The following SMARCA4 variants were observed in gnomAD, a reference collection of about 807,000 sequenced individuals.
SMARCA4 encodes SWI/SNF related BAF chromatin remodeling complex subunit ATPase 4.
A neutral mutation model predicts 193.9 loss-of-function variants in SMARCA4; 31 were observed. The ratio of observed to expected loss-of-function variants is 0.16; its 90% confidence interval spans 0.12 to 0.22. The LOEUF (loss-of-function observed/expected upper bound fraction) is 0.22. Ranked by LOEUF, SMARCA4 falls within the 10% of genes least tolerant of loss-of-function variation. The probability of loss-of-function intolerance (pLI) is 1.00; values close to 1 mark genes in which losing one functional copy is unlikely to be tolerated. For missense variants in SMARCA4, 1,148 were observed against 2,296.0 expected, an observed-to-expected ratio of 0.50 and a Z score of 10.22; for synonymous variants, 942 against 933.1, an observed-to-expected ratio of 1.01 and a Z score of -0.17.
chr19:11,013,138 C>T (rs368342404), intron 16 of SMARCA4, 26 bp downstream of exon 16: 22 of 1,612,340 alleles, frequency 1.4e-5, no homozygotes, highest in Non-Finnish European at 1.8e-5. Flanking sequence ...CAGCAACATC[C>T]CACACGCCGC....
chr19:11,021,652 G>T, intron 18 of SMARCA4, 73 bp from the exon 19 acceptor site: 1 of 1,538,866 alleles, frequency 6.5e-7, no homozygotes. Flanking sequence ...GCTGGGCGCA[G>T]AGTGGGAGAT....
At chr19:11,024,068 G>C (rs889039440) in intron 20 of SMARCA4, among the ~76,000 whole-genome samples, 1 of 152,172 alleles carries the variant, frequency 6.6e-6, no homozygotes, top group Non-Finnish European at 1.5e-5. Flanking sequence ...TTTGTTTCCT[G>C]GCTGGCTGTA....
chr19:10,990,822 G>A (rs1271137807), intron 7 of SMARCA4, among the ~76,000 whole-genome samples: 1 of 152,244 alleles, frequency 6.6e-6, no homozygotes, highest in East Asian at 1.9e-4. Flanking sequence ...GCCTCCCAAA[G>A]TGTTGGGATT....
intron 16 of SMARCA4, among the ~76,000 whole-genome samples, chr19:11,014,143 A>T (rs2089134782): frequency 1.3e-5 from 2 of 152,040 alleles, no homozygotes; most frequent in South Asian, 4.1e-4. Flanking sequence ...CCTAACTCCA[A>T]CCAGGCACTC....
Position 11,041,563 on chromosome 19 carries a change from A to G in SMARCA4, c.4424+3A>G, listed in dbSNP as rs2146823881. On this transcript the variant is annotated splice_donor_region_variant and intron_variant, in intron 30 of 34. Transcript: ENST00000344626. The surrounding 1 kb of genome is among the most constrained non-coding windows in gnomAD (Gnocchi z 5.6). ...GCCGTGATCAAGTACAAGGACAGGT[A>G]AGCGAGGAGGCGGGGAGGGCGGGGG... is the stretch of plus-strand genomic sequence containing the variant. The G allele has an allele frequency of 6.2e-7, 1 of 1,612,210 alleles. No homozygotes were observed. The highest frequency in any genetic ancestry group is 8.5e-7 in the Non-Finnish European group (1 of 1,179,468).
Position 10,991,116 on chromosome 19 carries a change from G to A in SMARCA4, c.1246-34G>A, listed in dbSNP as rs1004405808. 3.7e-6 allele frequency: 6 copies of A among 1,611,704 alleles called. No individual in the cohort carries two copies. In the African/African-American group the frequency reaches 8.0e-5, roughly 22 times the overall value. On this transcript the variant is annotated intron_variant, in intron 7 of 34. Transcript: ENST00000344626. The stretch of plus-strand genomic sequence containing the variant: ...GTCATTGTGGATGCCACAGAGCTGT[G>A]CAGTGCGCGGGCTTGTCCTCTTCCC...
chr19:10,985,539 C>A lies in SMARCA4; in HGVS notation c.355+134C>A. 1 of 1,094,750 alleles carries A rather than the reference C, an allele frequency of 9.1e-7. No homozygotes were observed. The highest frequency in any genetic ancestry group is 1.3e-6 in the Non-Finnish European group (1 of 745,160). 67.8% of individuals were successfully genotyped at this position (1,094,750 alleles called of 1,614,324 possible). A position where few individuals can be genotyped will look rare whatever the true frequency, so the allele number is the denominator to read the frequency against. On this transcript the variant is annotated intron_variant, in intron 3 of 34. Coordinates refer to ENST00000344626, the MANE Select transcript of SMARCA4 (RefSeq NM_003072.5). The surrounding 1 kb of genome is among the most constrained non-coding windows in gnomAD (Gnocchi z 4.5). ...ATGTAGCCGGGTGGGTGGCCCGCCA[C>A]AGAGAGCTGTCTGGCATGGCGTGGC... is the stretch of plus-strand genomic sequence containing the variant.
chr19:10,982,925 A>G (rs1389177746), intron 1 of SMARCA4, among the ~76,000 whole-genome samples: 1 of 152,242 alleles, frequency 6.6e-6, no homozygotes, highest in African/African-American at 2.4e-5. Flanking sequence ...TCCAAAAGGC[A>G]GCAGAAACAA....
chr19:10,978,918 CAG>C, intron 1 of SMARCA4, among the ~76,000 whole-genome samples: 1 of 152,092 alleles, frequency 6.6e-6, no homozygotes, highest in Admixed American at 6.6e-5. Context: ...CACTGCACTC[CAG>C]CTTGGGTGAT....
chr19:10,994,848 C>G lies in SMARCA4; in HGVS notation c.1440C>G (p.Leu480=), dbSNP rs1555761995. The G allele has an allele frequency of 1.9e-6, 3 of 1,614,100 alleles. No individual in the cohort carries two copies. Among genetic ancestry groups the G allele is most frequent in the Non-Finnish European group, 2.5e-6 (3 of 1,179,978 alleles). Reference sequence around the variant, plus strand: ...TGCAGGAATACCTCAATAGCATTCTCCAGCATGCCAAGGATTTCAAGGAAT... The same window carrying G: ...TGCAGGAATACCTCAATAGCATTCTGCAGCATGCCAAGGATTTCAAGGAAT... ...QKHQEYLNSI[L]QHAKDFKEYH... Residue 480 remains leucine (L), a synonymous_variant, in exon 9 of 35, where the codon CTC becomes CTG. Coordinates refer to ENST00000344626, the MANE Select transcript of SMARCA4 (RefSeq NM_003072.5).
chr19:11,042,962 C>T (rs1298513655), intron 30 of SMARCA4, among the ~76,000 whole-genome samples: 1 of 151,764 alleles, frequency 6.6e-6, no homozygotes, highest in Admixed American at 6.6e-5. Context: ...GGTGACAGAG[C>T]AAGACGCCCA....
intron 1 of SMARCA4, among the ~76,000 whole-genome samples, chr19:10,982,718 A>C (rs777952204): frequency 4.0e-5 from 6 of 151,892 alleles, no homozygotes; most frequent in Non-Finnish European, 7.4e-5. Context: ...GTTACCCAGG[A>C]TGGTCTCGAT....
chr19:11,010,013 A>T (rs1398081394), intron 14 of SMARCA4, among the ~76,000 whole-genome samples: 1 of 151,748 alleles, frequency 6.6e-6, no homozygotes, highest in African/African-American at 2.4e-5. Context: ...TGTAGTAGAG[A>T]TGGGGTTTCA....
rs555382090 is a variant in SMARCA4 at position 10,986,820 on chromosome 19, C to G, written c.761-85C>G. On this transcript the variant is annotated intron_variant, in intron 4 of 34. Transcript: ENST00000344626. This position sits in a 1 kb window ranked among gnomAD's most constrained non-coding sequence, Gnocchi z 6.7. The stretch of plus-strand genomic sequence containing the variant: ...GTTAATAGGTGTATCTGCTGTGTCC[C>G]CTGGAGCCAGGGCTGCCCACGGGGC... The G allele has an allele frequency of 2.9e-5, 39 of 1,328,614 alleles. No homozygotes were observed. The highest frequency in any genetic ancestry group is 3.6e-5 in the Non-Finnish European group (33 of 926,006). The allele number at this position is 1,328,614 out of a possible 1,614,324, so 82.3% of individuals were successfully genotyped here.
At chr19:11,006,531 A>T (rs987577187) in intron 13 of SMARCA4, among the ~76,000 whole-genome samples, 1 of 152,070 alleles carries the variant, frequency 6.6e-6, no homozygotes. Flanking sequence ...TGGGTGGATG[A>T]TCCAAGGTCA....
At chr19:11,018,496 C>T (rs999874218) in intron 16 of SMARCA4, among the ~76,000 whole-genome samples, 1 of 152,098 alleles carries the variant, frequency 6.6e-6, no homozygotes, top group Admixed American at 6.5e-5. Flanking sequence ...TGTCCTCGTT[C>T]TCTCTCACAG....
rs373208383 is a variant in SMARCA4 at position 10,981,728 on chromosome 19, C to T, written c.-31-2393C>T. Among the ~76,000 whole-genome samples the T allele has an allele frequency of 2.0e-4, 31 of 152,302 alleles. 1 individual carries two copies. Among genetic ancestry groups the T allele is most frequent in the African/African-American group, 6.7e-4 (28 of 41,568 alleles). ...CAGTGTCTCACACCTGTAATTCCAG[C>T]ACTTTGGGAAGTCCAGGCTGGAGGA... On this transcript the variant is annotated intron_variant, in intron 1 of 34. Transcript: ENST00000344626.
At chr19:11,021,332 A>C in intron 18 of SMARCA4, 1 of 361,886 alleles carries the variant, frequency 2.8e-6, no homozygotes, top group Non-Finnish European at 5.4e-6. Context: ...TCACCAACCC[A>C]GTTCCCCTGA....
At chr19:11,032,978 G>A (rs967975551) in intron 25 of SMARCA4, 29 of 450,590 alleles carry the variant, frequency 6.4e-5, no homozygotes, top group Middle Eastern at 6.6e-4. Context: ...GAGCTGTGCC[G>A]CTGCCACGGG....
Sources: gnomAD v4.1 joint callset for allele counts (sites outside exome capture counted in the v4.1 genomes callset) on GRCh38, gnomAD v4.1.1 for gene constraint, Gnocchi (gnomAD v3.1) non-coding constraint, MANE v1.5 for transcripts, NCBI Gene and HGNC (gene_info 2026-07-23, HGNC 2026-07-21) for gene names.